The following CEP290 variants were observed in gnomAD, a reference collection of about 807,000 sequenced individuals.
The protein encoded by CEP290 is centrosomal protein of 290 kDa.
A neutral mutation model predicts 344.9 loss-of-function variants in CEP290; 317 were observed. That is an observed-to-expected ratio of 0.92 (90% CI 0.84 to 1.01). The LOEUF (loss-of-function observed/expected upper bound fraction) is 1.01, where lower values mean the gene tolerates loss of function less well. Ranked by LOEUF, CEP290 falls within the 50% of genes least tolerant of loss-of-function variation. CEP290 has a pLI of 0.00. For missense variants in CEP290, 2,754 were observed against 2,761.4 expected, an observed-to-expected ratio of 1.00 and a Z score of 0.06; for synonymous variants, 932 against 895.8, an observed-to-expected ratio of 1.04 and a Z score of -0.72.
At chr12:88,090,371 C>T (rs1402092353) in intron 30 of CEP290, among the ~76,000 whole-genome samples, 1 of 152,134 alleles carries the variant, frequency 6.6e-6, no homozygotes, top group Non-Finnish European at 1.5e-5. Context: ...GTGGCTCATA[C>T]CTGTAATCCC....
intron 26 of CEP290, among the ~76,000 whole-genome samples, chr12:88,100,284 C>T (rs2037776700): frequency 6.6e-6 from 1 of 151,502 alleles, no homozygotes; most frequent in Non-Finnish European, 1.5e-5. Context: ...AAAAAAACAA[C>T]AAAAAAAGAA....
chr12:88,093,051 CA>C (rs2037166044), intron 28 of CEP290, among the ~76,000 whole-genome samples: 1 of 152,050 alleles, frequency 6.6e-6, no homozygotes, highest in African/African-American at 2.4e-5. Flanking sequence ...CACCAAAAGT[CA>C]TTTTTATTAG....
intron 38 of CEP290, 124 bp from the exon 39 acceptor site, chr12:88,079,353 T>A: frequency 1.4e-6 from 1 of 705,474 alleles, no homozygotes; most frequent in Non-Finnish European, 2.2e-6. Context: ...ATTATGAGTT[T>A]AATGGAACAT....
chr12:88,081,952 C>A (rs1407125976), intron 37 of CEP290, among the ~76,000 whole-genome samples: 6 of 152,102 alleles, frequency 3.9e-5, no homozygotes, highest in Non-Finnish European at 7.4e-5. Flanking sequence ...TGCCAATTTT[C>A]TTTCTTTTAG....
chr12:88,117,169 C>T (rs557021550), intron 17 of CEP290, 24 bp from the exon 18 acceptor site: 12 of 1,160,994 alleles, frequency 1.0e-5, no homozygotes, highest in Admixed American at 2.6e-5. Flanking sequence ...AATTAACAAA[C>T]TAAAAACATT....
At chr12:88,057,038 T>C (rs2034065773) in intron 49 of CEP290, among the ~76,000 whole-genome samples, 1 of 152,186 alleles carries the variant, frequency 6.6e-6, no homozygotes, top group Non-Finnish European at 1.5e-5. Flanking sequence ...CAGTGACCTG[T>C]ATCGTTCTCA....
chr12:88,071,011 G>C (rs955930220), intron 43 of CEP290, among the ~76,000 whole-genome samples: 3 of 152,142 alleles, frequency 2.0e-5, no homozygotes, highest in Non-Finnish European at 4.4e-5. Flanking sequence ...AATGAGGTTG[G>C]AACTTGTGGC....
intron 46 of CEP290, 59 bp downstream of exon 46, chr12:88,062,633 T>C (rs1475452188): frequency 2.6e-6 from 3 of 1,151,136 alleles, no homozygotes; most frequent in Non-Finnish European, 2.6e-6. Flanking sequence ...ATCTAAACTT[T>C]TCATTTCTGG....
Position 88,139,161 on chromosome 12 carries a change from A to G in CEP290, c.281T>C (p.Leu94Pro). The change falls in exon 5 of 54, where the codon CTG (leucine) becomes CCG (proline). Residue 94 changes from leucine to proline, a missense_variant. Coordinates refer to ENST00000552810, the MANE Select transcript of CEP290 (RefSeq NM_025114.4). ...AAGACATACCTCCAGTTCATTTTCC[A>G]GTTTCATTACTTTAGTTTTTAATTG... ...ENQLKTKVMKLENELEMAQQS... is the reference protein window; with the variant it reads ...ENQLKTKVMKPENELEMAQQS... 8.3e-7 allele frequency: 1 copy of G among 1,207,410 alleles called. No individual in the cohort carries two copies. Among genetic ancestry groups the G allele is most frequent in the South Asian group, 1.7e-5 (1 of 58,206 alleles). The allele number at this position is 1,207,410 out of a possible 1,614,324, so 74.8% of individuals were successfully genotyped here.
rs764543873 is a variant in CEP290 at position 88,060,037 on chromosome 12, C to G, written c.6523-17G>C. 6.6e-7 allele frequency: 1 copy of G among 1,506,662 alleles called. No homozygotes were observed. The highest frequency in any genetic ancestry group is 8.9e-7 in the Non-Finnish European group (1 of 1,127,356). The allele number at this position is 1,506,662 out of a possible 1,614,324, so 93.3% of individuals were successfully genotyped here. On this transcript the variant is annotated splice_polypyrimidine_tract_variant and intron_variant, in intron 47 of 53. Coordinates refer to ENST00000552810, the MANE Select transcript of CEP290 (RefSeq NM_025114.4). ...TAATTCAGCCTAGTAAAAAAACAAA[C>G]AAAATAAAAAGTATACATTATCAAA...
intron 45 of CEP290, 41 bp from the exon 46 acceptor site, chr12:88,062,819 T>C (rs1419319267): frequency 7.8e-7 from 1 of 1,285,744 alleles, no homozygotes; most frequent in Admixed American, 2.0e-5. Flanking sequence ...TTAACATAGC[T>C]ACAGCCATTG....
chr12:88,084,736 G>C lies in CEP290; in HGVS notation c.4554C>G (p.Leu1518=), dbSNP rs1299355541. The change falls in exon 35 of 54, where the codon CTC becomes CTG. Residue 1518 remains leucine, a synonymous_variant. Coordinates refer to ENST00000552810, the MANE Select transcript of CEP290 (RefSeq NM_025114.4). Reference sequence around the variant, plus strand: ...TCTCTTTTCTGCCTAGCTCAGCTATGAGCTTTTCTCTTTCTGCAGTGGCAG... The same window carrying C: ...TCTCTTTTCTGCCTAGCTCAGCTATCAGCTTTTCTCTTTCTGCAGTGGCAG... The part of the protein sequence containing the change: ...RLPATAEREK[L]IAELGRKEME... 1 of 1,613,652 alleles carries C rather than the reference G, an allele frequency of 6.2e-7. No homozygotes were observed. Among genetic ancestry groups the C allele is most frequent in the Non-Finnish European group, 8.5e-7 (1 of 1,179,724 alleles).
intron 5 of CEP290, among the ~76,000 whole-genome samples, chr12:88,137,553 C>T (rs955624819): frequency 6.6e-6 from 1 of 152,284 alleles, no homozygotes; most frequent in African/African-American, 2.4e-5. Flanking sequence ...ATTCCTCTAC[C>T]TTAACCAAAT....
intron 32 of CEP290, among the ~76,000 whole-genome samples, chr12:88,087,459 G>A (rs927164921): frequency 2.0e-5 from 3 of 151,942 alleles, no homozygotes; most frequent in Non-Finnish European, 2.9e-5. Flanking sequence ...AGGGGCTCAC[G>A]CCTGTAATCC....
chr12:88,123,433 T>C (rs1467294314), intron 13 of CEP290, among the ~76,000 whole-genome samples: 1 of 152,118 alleles, frequency 6.6e-6, no homozygotes, highest in African/African-American at 2.4e-5. Context: ...AGTCCAATAG[T>C]CAACTTTTAG....
chr12:88,092,796 G>C lies in CEP290; in HGVS notation c.3346C>G (p.Gln1116Glu), dbSNP rs1250610101. The C allele has an allele frequency of 6.2e-7, 1 of 1,609,814 alleles. No homozygotes were observed. The highest frequency in any genetic ancestry group is 1.1e-5 in the South Asian group (1 of 90,136). ...KINLDAQKVEQMLRDELADSV... is the reference protein window; with the variant it reads ...KINLDAQKVEEMLRDELADSV... ...TCAGCTAATTCATCTCTTAACATCT[G>C]TTCCACCTTCTGTGCATCCAAATTG... is the stretch of plus-strand genomic sequence containing the variant. The change falls in exon 29 of 54, where the codon CAG becomes GAG. Residue 1116 changes from glutamine (Q) to glutamate (E), a missense_variant. Transcript: ENST00000552810.
intron 49 of CEP290, among the ~76,000 whole-genome samples, chr12:88,056,853 A>G (rs2034048766): frequency 6.6e-6 from 1 of 152,184 alleles, no homozygotes; most frequent in Non-Finnish European, 1.5e-5. Flanking sequence ...ATCCTCCCAG[A>G]TTTAAACTTT....
chr12:88,115,557 G>C (rs1003042553), intron 18 of CEP290: 1 of 1,290,294 alleles, frequency 7.8e-7, no homozygotes, highest in South Asian at 1.2e-5. Context: ...GAATTCCTGT[G>C]CTATGATTTC....
At position 88,089,333 on chromosome 12, in the gene CEP290, T is replaced by A; in HGVS notation, c.3728A>T (p.Asp1243Val). ...AYNLRLEQKLDEKEQALYYAR... is the reference protein window; with the variant it reads ...AYNLRLEQKLVEKEQALYYAR... ...ATAATAGAGAGCCTGTTCTTTTTCA[T>A]CAAGTTTCTGCTCTAAGCGCAAGTT... The change falls in exon 31 of 54, where the codon GAT (aspartate) becomes GTT (valine). Residue 1243 changes from aspartate (D) to valine (V), a missense_variant. Physicochemically the swap from Asp to Val is radical, Grantham distance 152. Transcript: ENST00000552810. 6.2e-7 allele frequency: 1 copy of A among 1,613,968 alleles called. No individual in the cohort carries two copies.
Sources: allele counts gnomAD v4.1 joint callset (sites outside exome capture counted in the v4.1 genomes callset), GRCh38; gene constraint gnomAD v4.1.1; transcripts MANE v1.5; gene names NCBI Gene and HGNC (gene_info 2026-07-23, HGNC 2026-07-21).